Variants in RGS20 observed in about 807,000 individuals in gnomAD.
The protein encoded by RGS20 is gz-selective GTPase-activating protein.
Under a neutral mutation model 33.6 loss-of-function variants are expected in RGS20, and 30 were observed. That is an observed-to-expected ratio of 0.89 (90% CI 0.67 to 1.21). RGS20 has a LOEUF of 1.21. Ranked by LOEUF, RGS20 falls within the 50% of genes most tolerant of loss-of-function variation. The pLI, the probability that RGS20 is intolerant of heterozygous loss-of-function variation, is 0.00. For missense variants in RGS20, 472 were observed against 502.4 expected (o/e 0.94, Z 0.58); for synonymous variants, 208 against 197.9 (o/e 1.05, Z -0.43).
At chr8:53,942,150 A>G (rs1039346246) in intron 3 of RGS20, among the ~76,000 whole-genome samples, 1 of 152,134 alleles carries the variant, frequency 6.6e-6, no homozygotes, top group Non-Finnish European at 1.5e-5. Flanking sequence ...GCACATGCCC[A>G]TAATCCCAGC....
chr8:53,861,333 T>G (rs1325520193), intron 1 of RGS20, among the ~76,000 whole-genome samples: 1 of 152,190 alleles, frequency 6.6e-6, no homozygotes, highest in Admixed American at 6.5e-5. Context: ...TGACCCTCTG[T>G]CCTCTCTTGA....
intron 1 of RGS20, among the ~76,000 whole-genome samples, chr8:53,878,702 C>G (rs1202499619): frequency 6.6e-6 from 1 of 152,078 alleles, no homozygotes; most frequent in Non-Finnish European, 1.5e-5. Context: ...ACTATCTGGA[C>G]CTTCCATAGA....
rs761114673 is a variant in RGS20, at chr8:53,864,832, A to C, written c.165+12768A>C. Reference sequence around the variant, plus strand: ...CAGACAAATGTTTCATATGCCCTGAAAGAAATTAATGACAGTTAAGAATTC... The same window carrying C: ...CAGACAAATGTTTCATATGCCCTGACAGAAATTAATGACAGTTAAGAATTC... On this transcript the variant is annotated intron_variant, in intron 1 of 5. Coordinates refer to ENST00000297313, the MANE Select transcript of RGS20 (RefSeq NM_170587.4). Among the ~76,000 whole-genome samples, 27 of 152,344 alleles carry C rather than the reference A, an allele frequency of 1.8e-4. 1 individual carries two copies. Among genetic ancestry groups the C allele is most frequent in the South Asian group, 8.3e-4 (4 of 4,828 alleles).
rs1027108214 is a variant in RGS20, at chr8:53,902,905, T to C, written c.510+23303T>C. Among the ~76,000 whole-genome samples the C allele has an allele frequency of 7.2e-5, 11 of 152,290 alleles. No individual in the cohort carries two copies. In the East Asian group the frequency reaches 2.1e-3, roughly 29 times the overall value. On this transcript the variant is annotated intron_variant, in intron 2 of 5. Coordinates refer to ENST00000297313, the MANE Select transcript of RGS20 (RefSeq NM_170587.4). ...CATGCTCGGTTAATTTCTGTATTTT[T>C]AGTAGAGACAGGATTTCGCCATGAT...
intron 2 of RGS20, chr8:53,879,838 C>T (rs1450809299): frequency 2.3e-6 from 1 of 433,716 alleles, no homozygotes. Context: ...TGGGCCATTT[C>T]CTTTCCATGG....
At chr8:53,925,792 G>A (rs1351721355) in intron 2 of RGS20, among the ~76,000 whole-genome samples, 3 of 152,040 alleles carry the variant, frequency 2.0e-5, no homozygotes, top group Non-Finnish European at 4.4e-5. Flanking sequence ...CTAAAGCAGG[G>A]AACAGCTAGT....
At chr8:53,940,025 G>C (rs1211806471) in intron 3 of RGS20, among the ~76,000 whole-genome samples, 1 of 152,182 alleles carries the variant, frequency 6.6e-6, no homozygotes, top group Non-Finnish European at 1.5e-5. Context: ...GAAATGGTTA[G>C]AAAGAATTGG....
chr8:53,852,673 C>T (rs1412097088), intron 1 of RGS20, among the ~76,000 whole-genome samples: 1 of 152,094 alleles, frequency 6.6e-6, no homozygotes, highest in Non-Finnish European at 1.5e-5. Flanking sequence ...ATCCTCTTAG[C>T]TATTAATAGA....
intron 2 of RGS20, among the ~76,000 whole-genome samples, chr8:53,881,595 AG>A (rs1187008994): frequency 1.3e-5 from 2 of 151,920 alleles, no homozygotes; most frequent in Non-Finnish European, 2.9e-5. Context: ...GCCTCCTTTT[AG>A]GAGAAGTGCA....
At chr8:53,955,904 T>C (rs1442538072) in intron 5 of RGS20, among the ~76,000 whole-genome samples, 1 of 152,130 alleles carries the variant, frequency 6.6e-6, no homozygotes, top group African/African-American at 2.4e-5. Context: ...GTAGCTCTAA[T>C]TATAAAACTA....
At chr8:53,947,093 T>A (rs111329694) in intron 4 of RGS20, among the ~76,000 whole-genome samples, 1 of 147,166 alleles carries the variant, frequency 6.8e-6, no homozygotes, top group Non-Finnish European at 1.5e-5. Context: ...TATATATTTA[T>A]ATATACTATA....
In RGS20 at chr8:53,911,068, A is replaced by G. The variant is rs186942708; in HGVS notation, c.511-28508A>G. Among the ~76,000 whole-genome samples the G allele has an allele frequency of 1.4e-3, 220 of 152,352 alleles. 1 individual carries two copies. The highest frequency in any genetic ancestry group is 5.1e-3 in the African/African-American group (212 of 41,574). On this transcript the variant is annotated intron_variant, in intron 2 of 5. Transcript: ENST00000297313. The stretch of plus-strand genomic sequence containing the variant: ...TTAGATCTGAGGTATTTGGAGGTGA[A>G]CTATTAGATCTGAGCTATTTGGAAA...
intron 2 of RGS20, among the ~76,000 whole-genome samples, chr8:53,936,194 A>G (rs902808532): frequency 2.6e-5 from 4 of 152,206 alleles, no homozygotes; most frequent in Non-Finnish European, 5.9e-5. Flanking sequence ...GGCACAAGAC[A>G]AGAATGCCGT....
chr8:53,919,021 A>G (rs547722591), intron 2 of RGS20, among the ~76,000 whole-genome samples: 1 of 152,332 alleles, frequency 6.6e-6, no homozygotes, highest in South Asian at 2.1e-4. Context: ...CCCATTTTAC[A>G]TTCTCACATG....
In RGS20 at chr8:53,877,967, C is replaced by CA. The variant is rs1176845358; in HGVS notation, c.166-1290dup. ...CGGAGTGAGGGAACCGCGCCAGGCCCACGAGGCCGCTCGCGACCGCTCCCG... is the reference window on the plus strand; with the variant it reads ...CGGAGTGAGGGAACCGCGCCAGGCCCAACGAGGCCGCTCGCGACCGCTCCCG... On this transcript the variant is annotated intron_variant, in intron 1 of 5. Transcript: ENST00000297313. The surrounding 1 kb of genome is among the most constrained non-coding windows in gnomAD (Gnocchi z 5.7). Among the ~76,000 whole-genome samples, 1 of 152,204 alleles carries CA rather than the reference C, an allele frequency of 6.6e-6. No individual in the cohort carries two copies. The highest frequency in any genetic ancestry group is 6.5e-5 in the Admixed American group (1 of 15,288).
At chr8:53,911,052 A>C (rs1261659612) in intron 2 of RGS20, among the ~76,000 whole-genome samples, 1 of 152,216 alleles carries the variant, frequency 6.6e-6, no homozygotes, top group East Asian at 1.9e-4. Context: ...ATTAGATCTG[A>C]GGTATTTGGA....
At chr8:53,908,545 C>A (rs1813247000) in intron 2 of RGS20, among the ~76,000 whole-genome samples, 1 of 151,796 alleles carries the variant, frequency 6.6e-6, no homozygotes, top group South Asian at 2.1e-4. Flanking sequence ...GAGGCTGAGG[C>A]AGGATAATCT....
intron 3 of RGS20, among the ~76,000 whole-genome samples, chr8:53,940,308 AGTAGCT>A: frequency 6.6e-6 from 1 of 152,230 alleles, no homozygotes; most frequent in East Asian, 1.9e-4. Context: ...TGACCCTTTG[AGTAGCT>A]GTTAAAGGTC....
chr8:53,926,166 C>T (rs766178991), intron 2 of RGS20, among the ~76,000 whole-genome samples: 2 of 152,070 alleles, frequency 1.3e-5, no homozygotes, highest in Non-Finnish European at 2.9e-5. Context: ...GCCGTGTTCA[C>T]ACCACTGTAC....
Sources: allele counts gnomAD v4.1 joint callset (sites outside exome capture counted in the v4.1 genomes callset), GRCh38; gene constraint gnomAD v4.1.1; non-coding constraint Gnocchi (gnomAD v3.1); transcripts MANE v1.5; gene names NCBI Gene and HGNC (gene_info 2026-07-23, HGNC 2026-07-21).